The following FSTL4 variants were observed in gnomAD, a reference collection of about 807,000 sequenced individuals.
FSTL4 encodes the protein follistatin like 4, also known as follistatin-related protein 4.
FSTL4 carries 28 observed loss-of-function variants against 78.2 expected under a neutral mutation model. The observed-to-expected ratio is 0.36, with a 90% CI of 0.27 to 0.49. The LOEUF (loss-of-function observed/expected upper bound fraction) is 0.49, where lower values mean the gene tolerates loss of function less well. Among genes scored for constraint, FSTL4 ranks in the 20% least tolerant of loss-of-function variants. The pLI is 0.98. For synonymous variants in FSTL4, 422 were observed against 440.5 expected, an observed-to-expected ratio of 0.96 and a Z score of 0.53; for missense variants, 922 against 1,084.9, an observed-to-expected ratio of 0.85 and a Z score of 2.11.
chr5:133,626,493 G>A, the FSTL4 span, among the ~76,000 whole-genome samples: 3 of 149,734 alleles, frequency 2.0e-5, no homozygotes, highest in East Asian at 2.0e-4. Flanking sequence ...GCGAACCACC[G>A]CACTTGGCCC....
At chr5:133,787,760 C>T in the FSTL4 span, among the ~76,000 whole-genome samples, 1 of 152,206 alleles carries the variant, frequency 6.6e-6, no homozygotes, top group Non-Finnish European at 1.5e-5. Context: ...ACTCACAGCC[C>T]CAGCCTGTGC....
intron 6 of FSTL4, among the ~76,000 whole-genome samples, chr5:133,283,569 GCA>G (rs1753059414): frequency 6.6e-6 from 1 of 152,184 alleles, no homozygotes; most frequent in African/African-American, 2.4e-5. Context: ...ACCTGGGGCA[GCA>G]GATCCCCAGG....
intron 3 of FSTL4, among the ~76,000 whole-genome samples, chr5:133,436,628 A>G (rs2126999778): frequency 6.6e-6 from 1 of 151,624 alleles, no homozygotes; most frequent in Non-Finnish European, 1.5e-5. Flanking sequence ...TCTCTTCCCG[A>G]CTCTGTGTTC....
chr5:133,570,206 C>CAA (rs923597727), intron 2 of FSTL4, among the ~76,000 whole-genome samples: 1 of 128,778 alleles, frequency 7.8e-6, no homozygotes, highest in Admixed American at 7.8e-5. Context: ...GACTCCGTCT[C>CAA]AAAAAAAAAA....
intron 3 of FSTL4, among the ~76,000 whole-genome samples, chr5:133,441,303 C>T (rs1013087659): frequency 6.6e-6 from 1 of 152,142 alleles, no homozygotes; most frequent in East Asian, 1.9e-4. Flanking sequence ...CTCCTGGACA[C>T]ATGAACTCCC....
At chr5:133,259,522 T>TTC (rs1554100701) in intron 6 of FSTL4, among the ~76,000 whole-genome samples, 2 of 147,456 alleles carry the variant, frequency 1.4e-5, no homozygotes, top group African/African-American at 5.0e-5. Flanking sequence ...TTTTTTCTTT[T>TTC]TTTTTTTTTT....
intron 4 of FSTL4, among the ~76,000 whole-genome samples, chr5:133,349,814 T>A (rs1439398734): frequency 6.8e-6 from 1 of 147,000 alleles, no homozygotes; most frequent in Non-Finnish European, 1.5e-5. Context: ...GACTTTATGT[T>A]TGTCATGCTG....
intron 3 of FSTL4, among the ~76,000 whole-genome samples, chr5:133,483,650 C>A (rs748708709): frequency 5.3e-5 from 8 of 152,226 alleles, no homozygotes; most frequent in Non-Finnish European, 1.2e-4. Flanking sequence ...CCTTTTGGTG[C>A]TTCGGAGCTT....
chr5:133,569,856 A>T (rs1483926950), intron 2 of FSTL4, among the ~76,000 whole-genome samples: 1 of 152,064 alleles, frequency 6.6e-6, no homozygotes, highest in African/African-American at 2.4e-5. Flanking sequence ...TTGGTCTATA[A>T]TTTTTTGTAC....
chr5:133,526,945 C>T (rs1379281605), intron 3 of FSTL4, among the ~76,000 whole-genome samples: 4 of 152,088 alleles, frequency 2.6e-5, no homozygotes, highest in African/African-American at 9.7e-5. Context: ...CTCCTTTTTC[C>T]TACCCAACAG....
chr5:133,405,948 C>T (rs1235928672), intron 3 of FSTL4, among the ~76,000 whole-genome samples: 1 of 152,244 alleles, frequency 6.6e-6, no homozygotes, highest in Non-Finnish European at 1.5e-5. Context: ...TGCTATGTGC[C>T]AGTCCCGATT....
At chr5:133,710,730 T>C in the FSTL4 span, among the ~76,000 whole-genome samples, 1 of 152,182 alleles carries the variant, frequency 6.6e-6, no homozygotes, top group Non-Finnish European at 1.5e-5. Context: ...TGTATAAAAC[T>C]AGTCAAATCA....
At chr5:133,578,671 G>A (rs1324573176) in intron 2 of FSTL4, among the ~76,000 whole-genome samples, 1 of 152,202 alleles carries the variant, frequency 6.6e-6, no homozygotes, top group African/African-American at 2.4e-5. Context: ...ATCATTTAAA[G>A]CTTTATGCTA....
At chr5:133,620,823 C>T in the FSTL4 span, among the ~76,000 whole-genome samples, 1,076 of 152,272 alleles carry the variant, frequency 7.1e-3, 9 homozygotes, top group Non-Finnish European at 9.2e-3. Flanking sequence ...CACTTCTACA[C>T]TGCTGGTGGG....
the FSTL4 span, among the ~76,000 whole-genome samples, chr5:133,713,626 C>T: frequency 6.6e-6 from 1 of 152,156 alleles, no homozygotes; most frequent in African/African-American, 2.4e-5. Context: ...CCAGGATACC[C>T]CCTGTTTGGG....
the FSTL4 span, among the ~76,000 whole-genome samples, chr5:133,710,746 A>AAAT: frequency 6.6e-6 from 1 of 152,234 alleles, no homozygotes; most frequent in Non-Finnish European, 1.5e-5. Context: ...AATCATAAGT[A>AAAT]AATTGGCAAA....
intron 4 of FSTL4, among the ~76,000 whole-genome samples, chr5:133,329,409 A>ATATT (rs1554105691): frequency 3.3e-5 from 5 of 152,034 alleles, no homozygotes; most frequent in African/African-American, 4.8e-5. Flanking sequence ...AGATATATAT[A>ATATT]TATTTATTTA....
chr5:133,750,179 C>G, the FSTL4 span, among the ~76,000 whole-genome samples: 1 of 152,162 alleles, frequency 6.6e-6, no homozygotes, highest in African/African-American at 2.4e-5. Flanking sequence ...GAGGACAATA[C>G]TGGAAGGTGC....
the FSTL4 span, among the ~76,000 whole-genome samples, chr5:133,802,374 A>G: frequency 6.6e-6 from 1 of 152,216 alleles, no homozygotes; most frequent in Non-Finnish European, 1.5e-5. Context: ...CATGCAGCTG[A>G]AAGGTCGTTA....
Sources: gnomAD v4.1 joint callset for allele counts (sites outside exome capture counted in the v4.1 genomes callset) on GRCh38, gnomAD v4.1.1 for gene constraint, MANE v1.5 for transcripts, NCBI Gene and HGNC (gene_info 2026-07-23, HGNC 2026-07-21) for gene names.